Variants in FER1L6 observed in about 807,000 individuals in gnomAD.
FER1L6 encodes the protein fer-1-like protein 6.
FER1L6 carries 177 observed loss-of-function variants against 219.2 expected under a neutral mutation model. The ratio of observed to expected loss-of-function variants is 0.81; its 90% CI spans 0.71 to 0.91. The LOEUF (loss-of-function observed/expected upper bound fraction) is 0.91. FER1L6 is among the 40% of genes least tolerant of loss of function. The pLI, the probability that FER1L6 is intolerant of heterozygous loss-of-function variation, is 0.00. For missense variants in FER1L6, 2,153 were observed against 2,259.9 expected, an observed-to-expected ratio of 0.95 and a Z score of 0.96; for synonymous variants, 768 against 824.3, an observed-to-expected ratio of 0.93 and a Z score of 1.17.
intron 32 of FER1L6, among the ~76,000 whole-genome samples, chr8:124,079,459 A>G (rs1477170647): frequency 1.9e-5 from 1 of 53,290 alleles, no homozygotes; most frequent in Non-Finnish European, 5.5e-5. Flanking sequence ...TGTTAATTAC[A>G]TCTAAAAAAA....
intron 1 of FER1L6, among the ~76,000 whole-genome samples, chr8:123,888,114 T>C (rs995618204): frequency 3.0e-5 from 3 of 100,438 alleles, no homozygotes; most frequent in Non-Finnish European, 6.7e-5. Flanking sequence ...AAACTGATAT[T>C]CTCTTTTTTT....
chr8:124,022,888 G>T (rs1818516822), intron 17 of FER1L6, among the ~76,000 whole-genome samples: 2 of 147,580 alleles, frequency 1.4e-5, no homozygotes, highest in African/African-American at 5.1e-5. Flanking sequence ...GAGCAATTTG[G>T]CATGTGGGTT....
At chr8:123,917,537 G>A (rs548204458) in intron 1 of FER1L6, among the ~76,000 whole-genome samples, 49 of 152,244 alleles carry the variant, frequency 3.2e-4, no homozygotes, top group African/African-American at 1.1e-3. Context: ...GAAAGCCTCC[G>A]TGTTCCAGAT....
chr8:123,934,289 C>T (rs1813897419), intron 1 of FER1L6, among the ~76,000 whole-genome samples: 2 of 152,144 alleles, frequency 1.3e-5, no homozygotes, highest in South Asian at 4.1e-4. Flanking sequence ...TTTGTTCCAA[C>T]AGTGTCCTTT....
At chr8:124,008,337 T>A (rs906739089) in intron 13 of FER1L6, among the ~76,000 whole-genome samples, 2 of 152,234 alleles carry the variant, frequency 1.3e-5, no homozygotes, top group East Asian at 1.9e-4. Flanking sequence ...AGTTTCTTTA[T>A]CCACTCATTG....
At position 124,035,458 on chromosome 8, in the gene FER1L6, G is replaced by T; in HGVS notation, c.2464+4G>T. On this transcript the variant is annotated splice_donor_region_variant and intron_variant, in intron 19 of 40. Coordinates refer to ENST00000522917, the MANE Select transcript of FER1L6 (RefSeq NM_001039112.2). ...CCATCTAACCTGCTCTACCAAGGTAGGGTCCCCACTGGGCAAAGAGGGTCA... is the reference window on the plus strand; with the variant it reads ...CCATCTAACCTGCTCTACCAAGGTATGGTCCCCACTGGGCAAAGAGGGTCA... 1.2e-6 allele frequency: 2 copies of T among 1,610,776 alleles called. No individual in the cohort carries two copies. Among genetic ancestry groups the T allele is most frequent in the South Asian group, 1.1e-5 (1 of 90,738 alleles).
chr8:123,958,260 C>G (rs920163430), intron 2 of FER1L6, among the ~76,000 whole-genome samples: 1 of 152,180 alleles, frequency 6.6e-6, no homozygotes, highest in Non-Finnish European at 1.5e-5. Context: ...TCTGTTTGCC[C>G]CTCCGGATCT....
intron 12 of FER1L6, among the ~76,000 whole-genome samples, chr8:123,986,642 C>T (rs1816598876): frequency 6.6e-6 from 1 of 152,116 alleles, no homozygotes. Flanking sequence ...CATTAACCAT[C>T]TGCACTTCTC....
At chr8:123,949,621 A>C (rs1814668272) in intron 1 of FER1L6, among the ~76,000 whole-genome samples, 1 of 152,196 alleles carries the variant, frequency 6.6e-6, no homozygotes, top group Non-Finnish European at 1.5e-5. Context: ...TGATTTTCAA[A>C]TACTTCCCTC....
intron 19 of FER1L6, among the ~76,000 whole-genome samples, chr8:124,038,594 T>C (rs1392955426): frequency 6.6e-6 from 1 of 152,222 alleles, no homozygotes; most frequent in Non-Finnish European, 1.5e-5. Context: ...GTTCTTCCTA[T>C]GGGCCAGGCA....
chr8:123,917,426 A>G (rs1236963438), intron 1 of FER1L6, among the ~76,000 whole-genome samples: 6 of 152,340 alleles, frequency 3.9e-5, no homozygotes, highest in East Asian at 3.9e-4. Context: ...GCACTCTAAC[A>G]TTCAGTAAGG....
chr8:124,000,945 G>A (rs1292205449), intron 12 of FER1L6, among the ~76,000 whole-genome samples: 1 of 152,210 alleles, frequency 6.6e-6, no homozygotes, highest in Admixed American at 6.5e-5. Context: ...TTAGCTCTAA[G>A]AAGAGAGGTT....
At chr8:123,991,343 T>C (rs1290016070) in intron 12 of FER1L6, among the ~76,000 whole-genome samples, 1 of 152,230 alleles carries the variant, frequency 6.6e-6, no homozygotes, top group Non-Finnish European at 1.5e-5. Flanking sequence ...TCCATGAGCA[T>C]GAGATGTGTT....
intron 12 of FER1L6, among the ~76,000 whole-genome samples, chr8:123,992,800 G>A (rs1335042299): frequency 6.6e-6 from 1 of 152,028 alleles, no homozygotes; most frequent in East Asian, 1.9e-4. Context: ...GCGACATTGG[G>A]TTGTCAATTT....
intron 16 of FER1L6, among the ~76,000 whole-genome samples, chr8:124,019,036 A>G (rs939635972): frequency 2.0e-5 from 3 of 152,246 alleles, no homozygotes; most frequent in Non-Finnish European, 4.4e-5. Context: ...CTTCTGTATT[A>G]CAACCAGCAT....
In FER1L6 at chr8:124,060,236, G is replaced by A. The variant is rs770783687; in HGVS notation, c.2931G>A (p.Gln977=). The A allele has an allele frequency of 2.5e-6, 4 of 1,614,146 alleles. No homozygotes were observed. In the East Asian group the frequency reaches 6.7e-5, roughly 27 times the overall value. ...LPPVEPPDIT[Q]IYPVPANIRP... Reference sequence around the variant, plus strand: ...CCGTTGAGCCACCAGACATCACCCAGATCTACCCGGTTCCTGCCAACATTC... The same window carrying A: ...CCGTTGAGCCACCAGACATCACCCAAATCTACCCGGTTCCTGCCAACATTC... Residue 977 remains glutamine (Q), a synonymous_variant, in exon 23 of 41, where the codon CAG becomes CAA. Coordinates refer to ENST00000522917, the MANE Select transcript of FER1L6 (RefSeq NM_001039112.2).
At chr8:123,965,183 C>A (rs1012513752) in intron 3 of FER1L6, among the ~76,000 whole-genome samples, 1 of 152,170 alleles carries the variant, frequency 6.6e-6, no homozygotes, top group Non-Finnish European at 1.5e-5. Flanking sequence ...TTGGGGAGAA[C>A]AATATTCTAA....
At chr8:123,857,993 G>C (rs943062782) in intron 1 of FER1L6, among the ~76,000 whole-genome samples, 4 of 152,146 alleles carry the variant, frequency 2.6e-5, no homozygotes, top group Non-Finnish European at 5.9e-5. Context: ...CTTCCTGCAG[G>C]CATCCCCACA....
intron 1 of FER1L6, among the ~76,000 whole-genome samples, chr8:123,870,459 A>T (rs1045627365): frequency 3.9e-5 from 6 of 152,212 alleles, no homozygotes; most frequent in African/African-American, 1.4e-4. Context: ...ATGGAATATT[A>T]TTCAGTGGTA....
Sources: gnomAD v4.1 joint callset for allele counts (sites outside exome capture counted in the v4.1 genomes callset) on GRCh38, gnomAD v4.1.1 for gene constraint, MANE v1.5 for transcripts, NCBI Gene and HGNC (gene_info 2026-07-23, HGNC 2026-07-21) for gene names.